PTPRD: variants seen among roughly 807,000 people sequenced by gnomAD.
PTPRD encodes the protein receptor-type tyrosine-protein phosphatase delta.
PTPRD carries 34 observed loss-of-function variants against 214.5 expected under a neutral mutation model. The observed-to-expected ratio is 0.16, with a 90% CI of 0.12 to 0.21. The LOEUF (loss-of-function observed/expected upper bound fraction) is 0.21. Among genes scored for constraint, PTPRD ranks in the 10% least tolerant of loss-of-function variants. The pLI is 1.00. For missense variants in PTPRD, 2,545 were observed against 2,398.7 expected, an observed-to-expected ratio of 1.06 and a Z score of -1.27; for synonymous variants, 1,128 against 845.7, an observed-to-expected ratio of 1.33 and a Z score of -5.79.
chr9:10,563,026 C>G (rs912316144), intron 2 of PTPRD, among the ~76,000 whole-genome samples: 2 of 152,098 alleles, frequency 1.3e-5, no homozygotes, highest in Non-Finnish European at 2.9e-5. Context: ...GGAAGTGAGG[C>G]TACTACAGAG....
At chr9:10,545,173 G>A (rs911059945) in intron 2 of PTPRD, among the ~76,000 whole-genome samples, 1 of 152,098 alleles carries the variant, frequency 6.6e-6, no homozygotes, top group Non-Finnish European at 1.5e-5. Flanking sequence ...TTCATACAAG[G>A]CCTACATATG....
At chr9:8,385,497 GAGT>G (rs1437291259) in intron 37 of PTPRD, among the ~76,000 whole-genome samples, 1 of 152,162 alleles carries the variant, frequency 6.6e-6, no homozygotes, top group Non-Finnish European at 1.5e-5. Context: ...CTGGACAACA[GAGT>G]AAGACTCTGT....
chr9:9,254,258 C>T (rs1008668328), intron 9 of PTPRD, among the ~76,000 whole-genome samples: 2 of 151,990 alleles, frequency 1.3e-5, no homozygotes, highest in Non-Finnish European at 2.9e-5. Context: ...TCTATTAGAA[C>T]AAAAATTTCC....
At chr9:10,017,982 A>C (rs1022430554) in intron 4 of PTPRD, among the ~76,000 whole-genome samples, 1 of 152,192 alleles carries the variant, frequency 6.6e-6, no homozygotes, top group Admixed American at 6.5e-5. Context: ...TCTAGGACTT[A>C]GCTTCTACCC....
chr9:10,000,984 G>C (rs561795715), intron 4 of PTPRD, among the ~76,000 whole-genome samples: 6 of 152,282 alleles, frequency 3.9e-5, no homozygotes, highest in African/African-American at 1.4e-4. Flanking sequence ...GCTTTCTCCA[G>C]CTTCCCAATA....
chr9:9,038,455 G>T (rs2099628850), intron 10 of PTPRD, among the ~76,000 whole-genome samples: 1 of 151,808 alleles, frequency 6.6e-6, no homozygotes, highest in South Asian at 2.1e-4. Context: ...ACACGAACAT[G>T]TATACAAACA....
intron 20 of PTPRD, among the ~76,000 whole-genome samples, chr9:8,520,576 A>G (rs1334410458): frequency 6.6e-6 from 1 of 152,180 alleles, no homozygotes; most frequent in Admixed American, 6.5e-5. Flanking sequence ...CTCAATTTGC[A>G]AACACTTTCT....
intron 2 of PTPRD, among the ~76,000 whole-genome samples, chr9:10,576,752 T>G (rs1252383409): frequency 6.6e-6 from 1 of 152,120 alleles, no homozygotes; most frequent in Non-Finnish European, 1.5e-5. Flanking sequence ...AGGGAATATT[T>G]TAATTATTAT....
chr9:10,367,209 T>C (rs1006592525), intron 2 of PTPRD, among the ~76,000 whole-genome samples: 1 of 152,068 alleles, frequency 6.6e-6, no homozygotes, highest in African/African-American at 2.4e-5. Flanking sequence ...TGTATTTAAC[T>C]TGCAAGTTAA....
intron 2 of PTPRD, among the ~76,000 whole-genome samples, chr9:10,568,919 A>G (rs1000832514): frequency 1.3e-5 from 2 of 152,174 alleles, no homozygotes; most frequent in Non-Finnish European, 2.9e-5. Flanking sequence ...AAAATTGACA[A>G]ATGGGATCTA....
At chr9:9,446,222 A>C (rs1402450456) in intron 8 of PTPRD, among the ~76,000 whole-genome samples, 1 of 152,170 alleles carries the variant, frequency 6.6e-6, no homozygotes, top group Non-Finnish European at 1.5e-5. Flanking sequence ...ATTCCCTGAG[A>C]GTTACAATCA....
chr9:9,375,569 C>A (rs944580240), intron 9 of PTPRD, among the ~76,000 whole-genome samples: 2 of 152,042 alleles, frequency 1.3e-5, no homozygotes, highest in Non-Finnish European at 2.9e-5. Flanking sequence ...GCACTCTAGC[C>A]TGGGCAACAG....
In PTPRD at chr9:10,612,754, G is replaced by C. The variant is rs2081341176; in HGVS notation, c.-774C>G. 1 of 152,752 alleles carries C rather than the reference G, an allele frequency of 6.5e-6. No homozygotes were observed. The highest frequency in any genetic ancestry group is 6.5e-5 in the Admixed American group (1 of 15,286). The allele number at this position is 152,752 out of a possible 1,614,324, so 9.5% of individuals were successfully genotyped here. A position where few individuals can be genotyped will look rare whatever the true frequency, so the allele number is the denominator to read the frequency against. On this transcript the variant is annotated 5_prime_UTR_variant, in exon 1 of 46. Coordinates refer to ENST00000381196, the MANE Select transcript of PTPRD (RefSeq NM_002839.4). ...GAGGGGAGGAGGCTCGGGAGGAGGA[G>C]GAGAAAGAGCAGCGGGAGGACTCGG... is the stretch of plus-strand genomic sequence containing the variant.
At chr9:8,370,144 C>G (rs1408610125) in intron 39 of PTPRD, among the ~76,000 whole-genome samples, 1 of 151,958 alleles carries the variant, frequency 6.6e-6, no homozygotes, top group East Asian at 1.9e-4. Flanking sequence ...CCCAAAATCA[C>G]ATTTTATAAA....
At chr9:9,983,343 C>T (rs1185707641) in intron 4 of PTPRD, among the ~76,000 whole-genome samples, 2 of 152,154 alleles carry the variant, frequency 1.3e-5, no homozygotes, top group African/African-American at 2.4e-5. Flanking sequence ...ACACTGCTGC[C>T]TTTCCAAAGA....
chr9:10,050,282 C>T (rs548148447), intron 3 of PTPRD, among the ~76,000 whole-genome samples: 43 of 151,670 alleles, frequency 2.8e-4, no homozygotes, highest in African/African-American at 9.4e-4. Context: ...ATGACTCGGC[C>T]GGGCTCGGTG....
At chr9:8,573,138 T>C (rs1195197037) in intron 14 of PTPRD, among the ~76,000 whole-genome samples, 3 of 151,996 alleles carry the variant, frequency 2.0e-5, no homozygotes, top group East Asian at 1.9e-4. Context: ...TGGCTATGTA[T>C]TGCTACTTCT....
Position 10,404,982 on chromosome 9 carries a change from C to T in PTPRD, c.-599-63965G>A, listed in dbSNP as rs773705955. Among the ~76,000 whole-genome samples, 4 of 24,516 alleles carry T rather than the reference C, an allele frequency of 1.6e-4. 2 individuals carry two copies. The highest frequency in any genetic ancestry group is 3.8e-4 in the African/African-American group (4 of 10,544). 16.1% of individuals were successfully genotyped at this position (24,516 alleles called of 152,430 possible). A position where few individuals can be genotyped will look rare whatever the true frequency, so the allele number is the denominator to read the frequency against. ...CTCATCCTCCACAGCCATGTGTGAACGCCACTAAATACTGTGGCAATGGAA... is the reference window on the plus strand; with the variant it reads ...CTCATCCTCCACAGCCATGTGTGAATGCCACTAAATACTGTGGCAATGGAA... On this transcript the variant is annotated intron_variant, in intron 2 of 45. Coordinates refer to ENST00000381196, the MANE Select transcript of PTPRD (RefSeq NM_002839.4).
chr9:9,856,732 G>A (rs1233212000), intron 5 of PTPRD, among the ~76,000 whole-genome samples: 4 of 152,110 alleles, frequency 2.6e-5, no homozygotes, highest in African/African-American at 7.2e-5. Context: ...TGCAGCAGCG[G>A]GATACTTTTC....
Sources: gnomAD v4.1 joint callset for allele counts (sites outside exome capture counted in the v4.1 genomes callset) on GRCh38, gnomAD v4.1.1 for gene constraint, MANE v1.5 for transcripts, NCBI Gene and HGNC (gene_info 2026-07-23, HGNC 2026-07-21) for gene names.